The following OSBPL6 variants were observed in gnomAD, a reference collection of about 807,000 sequenced individuals.
OSBPL6 encodes the protein oxysterol binding protein like 6, also known as oxysterol-binding protein-related protein 6.
A neutral mutation model predicts 125.8 loss-of-function variants in OSBPL6; 49 were observed. The observed-to-expected ratio is 0.39, with a 90% CI of 0.31 to 0.49. The LOEUF is 0.49. Ranked by LOEUF, OSBPL6 falls within the 20% of genes least tolerant of loss-of-function variation. The pLI is 0.88. For missense variants in OSBPL6, 986 were observed against 1,135.4 expected, an observed-to-expected ratio of 0.87 and a Z score of 1.89; for synonymous variants, 394 against 391.8, an observed-to-expected ratio of 1.01 and a Z score of -0.07.
At chr2:178,231,394 A>T (rs897764697) in intron 1 of OSBPL6, among the ~76,000 whole-genome samples, 3 of 152,116 alleles carry the variant, frequency 2.0e-5, no homozygotes, top group Non-Finnish European at 4.4e-5. Flanking sequence ...CCCAGGTAGT[A>T]TATTACTATG....
chr2:178,333,815 A>G (rs896661959), intron 8 of OSBPL6, among the ~76,000 whole-genome samples: 2 of 152,224 alleles, frequency 1.3e-5, no homozygotes, highest in Non-Finnish European at 2.9e-5. Context: ...GAATGTGACA[A>G]TAATATAAAT....
chr2:178,346,781 G>A (rs1477572737), intron 11 of OSBPL6, among the ~76,000 whole-genome samples: 4 of 152,130 alleles, frequency 2.6e-5, no homozygotes, highest in Non-Finnish European at 5.9e-5. Context: ...TATTCAATTA[G>A]GGTTAGATTA....
chr2:178,288,108 C>T (rs1184194685), intron 2 of OSBPL6, among the ~76,000 whole-genome samples: 2 of 152,102 alleles, frequency 1.3e-5, no homozygotes, highest in African/African-American at 2.4e-5. Context: ...CATGAGACTT[C>T]CCCCTGGAGT....
intron 1 of OSBPL6, among the ~76,000 whole-genome samples, chr2:178,228,570 A>G (rs962812089): frequency 2.6e-5 from 4 of 152,202 alleles, no homozygotes; most frequent in Non-Finnish European, 5.9e-5. Flanking sequence ...CACATATATC[A>G]TAATATTAAA....
rs111956329 is a variant in OSBPL6 at position 178,210,675 on chromosome 2, T to G, written c.-351+16001T>G. Among the ~76,000 whole-genome samples, 1,136 of 151,862 alleles carry G rather than the reference T, an allele frequency of 7.5e-3. 15 individuals carry two copies. Among genetic ancestry groups the G allele is most frequent in the African/African-American group, 0.025 (1,049 of 41,414 alleles). ...AAAATATAAAAAATAAGCCGGGCAT[T>G]GTGGCACATGCCTGTAATCCCAGCT... On this transcript the variant is annotated intron_variant, in intron 1 of 24. Transcript: ENST00000190611.
intron 1 of OSBPL6, among the ~76,000 whole-genome samples, chr2:178,220,321 G>A (rs1283281855): frequency 6.6e-6 from 1 of 152,092 alleles, no homozygotes; most frequent in Admixed American, 6.6e-5. Context: ...CGGGTGGACA[G>A]GGTCTTACTC....
chr2:178,224,007 C>G (rs1574534753), intron 1 of OSBPL6, among the ~76,000 whole-genome samples: 1 of 152,204 alleles, frequency 6.6e-6, no homozygotes, highest in East Asian at 1.9e-4. Flanking sequence ...TTACTGGCTT[C>G]TAATCAAATG....
chr2:178,387,859 C>G (rs1218304616), intron 20 of OSBPL6, among the ~76,000 whole-genome samples: 1 of 151,998 alleles, frequency 6.6e-6, no homozygotes, highest in African/African-American at 2.4e-5. Flanking sequence ...AAAAAATTAG[C>G]TGGGTGTGGT....
chr2:178,215,550 G>A (rs146810007), intron 1 of OSBPL6, among the ~76,000 whole-genome samples: 194 of 152,300 alleles, frequency 1.3e-3, no homozygotes, highest in African/African-American at 4.3e-3. Context: ...TTGGAGTATA[G>A]ACGGTGAGAG....
chr2:178,250,192 C>T (rs114902302), intron 1 of OSBPL6, among the ~76,000 whole-genome samples: 129 of 152,302 alleles, frequency 8.5e-4, no homozygotes, highest in African/African-American at 2.9e-3. Flanking sequence ...ATGCTTCATC[C>T]TGTAGCATCT....
rs1686929747 is a variant in OSBPL6, at chr2:178,307,945, G to A, written c.102+1659G>A. On this transcript the variant is annotated intron_variant, in intron 3 of 24. Coordinates refer to ENST00000190611, the MANE Select transcript of OSBPL6 (RefSeq NM_032523.4). ...GAAACACTGAGACCCTGGTGTGCCG[G>A]AGGGAGCATGAAGGTGGAATGTGTG... is the stretch of plus-strand genomic sequence containing the variant. 3.3e-5 allele frequency among the ~76,000 whole-genome samples: 5 copies of A among 152,222 alleles called. No homozygotes were observed. The South Asian group carries it at 1.0e-3, about 32-fold the overall frequency.
chr2:178,340,435 A>T (rs1052065953), intron 11 of OSBPL6, among the ~76,000 whole-genome samples: 5 of 152,142 alleles, frequency 3.3e-5, no homozygotes, highest in African/African-American at 1.2e-4. Context: ...GCTTGTAATA[A>T]ATGTACTTGA....
intron 1 of OSBPL6, among the ~76,000 whole-genome samples, chr2:178,211,356 A>G (rs1016474786): frequency 1.3e-5 from 2 of 152,200 alleles, no homozygotes; most frequent in African/African-American, 4.8e-5. Context: ...CTGTATGCAA[A>G]TAGGTGAGCA....
rs568184149 is a variant in OSBPL6 at position 178,375,720 on chromosome 2, AC to A, written c.1533+1697del. On this transcript the variant is annotated intron_variant, in intron 15 of 24. Coordinates refer to ENST00000190611, the MANE Select transcript of OSBPL6 (RefSeq NM_032523.4). Reference sequence around the variant, plus strand: ...TTACAGGCATGAGCCACTGCGCCCGACCCCTTCATCCTTCTTTAGTCAGGTT... The same window carrying A: ...TTACAGGCATGAGCCACTGCGCCCGACCCTTCATCCTTCTTTAGTCAGGTT... 3.0e-3 allele frequency among the ~76,000 whole-genome samples: 448 copies of A among 151,640 alleles called. 3 individuals are homozygous for A. Among genetic ancestry groups the A allele is most frequent in the African/African-American group, 0.01 (428 of 41,326 alleles).
At chr2:178,338,606 A>C (rs1264414371) in intron 9 of OSBPL6, among the ~76,000 whole-genome samples, 1 of 152,194 alleles carries the variant, frequency 6.6e-6, no homozygotes, top group Non-Finnish European at 1.5e-5. Flanking sequence ...CAAATTCCAG[A>C]TAACCATCTT....
intron 1 of OSBPL6, among the ~76,000 whole-genome samples, chr2:178,256,413 A>G (rs1056928056): frequency 6.6e-6 from 1 of 152,200 alleles, no homozygotes; most frequent in Non-Finnish European, 1.5e-5. Flanking sequence ...ATCATCTACC[A>G]TAACAAAGGA....
At chr2:178,263,590 A>G (rs536852756) in intron 1 of OSBPL6, among the ~76,000 whole-genome samples, 2 of 152,216 alleles carry the variant, frequency 1.3e-5, no homozygotes, top group Non-Finnish European at 2.9e-5. Context: ...TACTTGTACA[A>G]AGTGACACAC....
At position 178,383,057 on chromosome 2, in the gene OSBPL6, G is replaced by A. The variant is rs377158599; in HGVS notation, c.1655G>A (p.Arg552Gln). 1.9e-5 allele frequency: 31 copies of A among 1,614,062 alleles called. No individual in the cohort carries two copies. The highest frequency in any genetic ancestry group is 9.3e-5 in the African/African-American group (7 of 74,934). ...GGGGAGCTTACAGGAGGGGCCTTCCGAAATGGGCGTCGAGCATGCCTGCCA... is the reference window on the plus strand; with the variant it reads ...GGGGAGCTTACAGGAGGGGCCTTCCAAAATGGGCGTCGAGCATGCCTGCCA... ...LNGELTGGAF[R>Q]NGRRACLPAP... Residue 552 changes from arginine to glutamine, a missense_variant, in exon 17 of 25, where the codon CGA becomes CAA. Arg to Gln is a conservative substitution (Grantham distance 43). Coordinates refer to ENST00000190611, the MANE Select transcript of OSBPL6 (RefSeq NM_032523.4).
At chr2:178,322,371 G>A (rs901642661) in intron 3 of OSBPL6, among the ~76,000 whole-genome samples, 16 of 152,148 alleles carry the variant, frequency 1.1e-4, no homozygotes, top group African/African-American at 3.6e-4. Flanking sequence ...ATTAAAGTAA[G>A]CAAAAGCAGT....
Sources: gnomAD v4.1 joint callset for allele counts (sites outside exome capture counted in the v4.1 genomes callset) on GRCh38, gnomAD v4.1.1 for gene constraint, MANE v1.5 for transcripts, NCBI Gene and HGNC (gene_info 2026-07-23, HGNC 2026-07-21) for gene names.